ELMO2: variants seen among roughly 807,000 people sequenced by gnomAD.
ELMO2 encodes engulfment and cell motility 2, also known as engulfment and cell motility protein 2.
A neutral mutation model predicts 96.2 loss-of-function variants in ELMO2; 37 were observed. That is an observed-to-expected ratio of 0.38 (90% CI 0.30 to 0.51). The LOEUF (loss-of-function observed/expected upper bound fraction) is 0.51, where lower values mean the gene tolerates loss of function less well. Ranked by LOEUF, ELMO2 falls within the 20% of genes least tolerant of loss-of-function variation. The pLI is 0.88. For missense variants in ELMO2, 561 were observed against 912.6 expected (o/e 0.61, Z 4.96); for synonymous variants, 315 against 329.4 (o/e 0.96, Z 0.47).
At chr20:46,390,567 C>A (rs535928966) in intron 6 of ELMO2, among the ~76,000 whole-genome samples, 1 of 152,210 alleles carries the variant, frequency 6.6e-6, no homozygotes, top group Admixed American at 6.5e-5. Context: ...CTGCAAGCTG[C>A]GGCTAAAATC....
intron 1 of ELMO2, among the ~76,000 whole-genome samples, chr20:46,405,054 G>C (rs1222764386): frequency 6.6e-6 from 1 of 151,684 alleles, no homozygotes; most frequent in Non-Finnish European, 1.5e-5. Context: ...TATTTATTTG[G>C]TAAATATTTA....
intron 6 of ELMO2, among the ~76,000 whole-genome samples, chr20:46,391,246 G>C (rs1282436343): frequency 1.3e-5 from 2 of 152,192 alleles, no homozygotes; most frequent in Admixed American, 1.3e-4. Flanking sequence ...TATGGGCCTA[G>C]AGTCAGACAG....
chr20:46,404,158 T>G (rs2145866250), intron 1 of ELMO2, among the ~76,000 whole-genome samples: 1 of 152,274 alleles, frequency 6.6e-6, no homozygotes, highest in East Asian at 1.9e-4. Context: ...CTGCATGGTA[T>G]GTGTTTTTTT....
intron 6 of ELMO2, among the ~76,000 whole-genome samples, chr20:46,392,142 T>A (rs2145836579): frequency 6.6e-6 from 1 of 152,304 alleles, no homozygotes; most frequent in South Asian, 2.1e-4. Context: ...TCTCTGCTTA[T>A]TAAAAATTGC....
chr20:46,366,262 T>C lies in ELMO2; in HGVS notation c.*1098A>G, dbSNP rs2059584667. On this transcript the variant is annotated 3_prime_UTR_variant, in exon 22 of 22. Transcript: ENST00000290246. ...TAAGTATGGCCTATAGTAATGAAAA[T>C]ATATAGTACACTCTTCATTGGGTAG... The C allele has an allele frequency of 1.3e-5, 2 of 152,480 alleles. No homozygotes were observed. The highest frequency in any genetic ancestry group is 2.4e-5 in the African/African-American group (1 of 41,374). 9.4% of individuals were successfully genotyped at this position (152,480 alleles called of 1,614,324 possible).
intron 11 of ELMO2, among the ~76,000 whole-genome samples, chr20:46,378,205 T>C (rs1237300717): frequency 6.6e-6 from 1 of 152,232 alleles, no homozygotes; most frequent in East Asian, 1.9e-4. Context: ...TTTGAGGTTT[T>C]ACCTGAAGTC....
chr20:46,404,359 G>T (rs540640974), intron 1 of ELMO2, among the ~76,000 whole-genome samples: 2 of 152,166 alleles, frequency 1.3e-5, no homozygotes, highest in African/African-American at 4.8e-5. Flanking sequence ...GCTGTACACT[G>T]AAGTTTTTAA....
chr20:46,373,639 C>T (rs977199676), intron 15 of ELMO2, 104 bp from the exon 16 acceptor site: 2 of 1,458,450 alleles, frequency 1.4e-6, no homozygotes, highest in Non-Finnish European at 1.9e-6. Context: ...ACAAAAGCAG[C>T]CTAAGGCGCG....
chr20:46,392,787 C>T (rs772637942), intron 6 of ELMO2, among the ~76,000 whole-genome samples: 4 of 152,310 alleles, frequency 2.6e-5, no homozygotes, highest in South Asian at 2.1e-4. Context: ...AGCTAAGTGA[C>T]GCCTTCTCTG....
At chr20:46,389,015 G>C (rs535887151) in intron 7 of ELMO2, 24 bp downstream of exon 7, 15 of 1,604,278 alleles carry the variant, frequency 9.4e-6, no homozygotes, top group Middle Eastern at 1.7e-4. Context: ...GAAGTCCTTG[G>C]AACGAGACCT....
At chr20:46,387,745 G>T in intron 7 of ELMO2, 1 of 255,630 alleles carries the variant, frequency 3.9e-6, no homozygotes, top group Non-Finnish European at 7.4e-6. Context: ...AGAAGACATT[G>T]GACCTTTGTC....
In ELMO2 at chr20:46,380,364, C is replaced by G. The variant is rs1250304003; in HGVS notation, c.757-61G>C. 4 of 1,365,222 alleles carry G rather than the reference C, an allele frequency of 2.9e-6. No individual in the cohort carries two copies. In the South Asian group the frequency reaches 3.7e-5, roughly 13 times the overall value. The allele number at this position is 1,365,222 out of a possible 1,614,324, so 84.6% of individuals were successfully genotyped here. Reference sequence around the variant, plus strand: ...GCAGGCACACACCTGTGACTACTATCGAGAGGAAGGTGATGTCAAAATTCT... The same window carrying G: ...GCAGGCACACACCTGTGACTACTATGGAGAGGAAGGTGATGTCAAAATTCT... On this transcript the variant is annotated intron_variant, in intron 10 of 21. Coordinates refer to ENST00000290246, the MANE Select transcript of ELMO2 (RefSeq NM_133171.5).
intron 8 of ELMO2, among the ~76,000 whole-genome samples, chr20:46,386,740 A>G (rs563476759): frequency 6.6e-6 from 1 of 152,264 alleles, no homozygotes; most frequent in Admixed American, 6.5e-5. Context: ...TGGTCATTTC[A>G]CTTGTGTCCA....
intron 6 of ELMO2, among the ~76,000 whole-genome samples, chr20:46,390,569 G>A (rs2060133964): frequency 6.6e-6 from 1 of 152,174 alleles, no homozygotes. Flanking sequence ...GCAAGCTGCG[G>A]CTAAAATCCC....
chr20:46,374,243 C>T, intron 15 of ELMO2, 89 bp downstream of exon 15: 2 of 1,081,278 alleles, frequency 1.8e-6, no homozygotes, highest in Non-Finnish European at 2.8e-6. Flanking sequence ...CGCCCGACCC[C>T]ACTGACATGT....
At chr20:46,389,650 C>A (rs1469388238) in intron 6 of ELMO2, among the ~76,000 whole-genome samples, 1 of 152,082 alleles carries the variant, frequency 6.6e-6, no homozygotes, top group Non-Finnish European at 1.5e-5. Context: ...GAGTTAGACA[C>A]CAGCCTGGCC....
Position 46,371,716 on chromosome 20 carries a change from A to G in ELMO2, c.1581-25T>C. The G allele has an allele frequency of 6.2e-7, 1 of 1,613,810 alleles. No homozygotes were observed. The highest frequency in any genetic ancestry group is 8.5e-7 in the Non-Finnish European group (1 of 1,179,952). On this transcript the variant is annotated intron_variant, in intron 17 of 21. Transcript: ENST00000290246. The surrounding 1 kb of genome is among the most constrained non-coding windows in gnomAD (Gnocchi z 5.9). ...CCTGGGGTGGACACACACTGGAGTG[A>G]GCGGAAGGTCATGGGGACAGTGGAG...
Position 46,393,605 on chromosome 20 carries a change from T to G in ELMO2, c.120-4A>C. ...CTCTGGGTTTGGCAACGACCACCTA[T>G]GCAAGAGAAAAACAGTATATCCCAC... On this transcript the variant is annotated splice_polypyrimidine_tract_variant and splice_region_variant and intron_variant, in intron 4 of 21. Coordinates refer to ENST00000290246, the MANE Select transcript of ELMO2 (RefSeq NM_133171.5). The G allele has an allele frequency of 6.2e-7, 1 of 1,613,400 alleles. No individual in the cohort carries two copies.
Position 46,393,476 on chromosome 20 carries a change from G to T in ELMO2, c.192+53C>A, listed in dbSNP as rs1600875691. 5.7e-6 allele frequency: 9 copies of T among 1,582,778 alleles called. No homozygotes were observed. In the East Asian group the frequency reaches 1.8e-4, roughly 31 times the overall value. ...AAGATAAATAGTGCCGTCTCCTTGG[G>T]TCGTTTAATTCCAAGCAAGGCCCAT... On this transcript the variant is annotated intron_variant, in intron 5 of 21. Coordinates refer to ENST00000290246, the MANE Select transcript of ELMO2 (RefSeq NM_133171.5).
Sources: allele counts gnomAD v4.1 joint callset (sites outside exome capture counted in the v4.1 genomes callset), GRCh38; gene constraint gnomAD v4.1.1; non-coding constraint Gnocchi (gnomAD v3.1); transcripts MANE v1.5; gene names NCBI Gene and HGNC (gene_info 2026-07-23, HGNC 2026-07-21).